Variants in NAV2 observed in about 807,000 individuals in gnomAD.
NAV2 encodes the protein helicase, APC down-regulated 1.
A neutral mutation model predicts 223.2 loss-of-function variants in NAV2; 54 were observed. The observed-to-expected ratio is 0.24, with a 90% CI of 0.19 to 0.30. The LOEUF is 0.30. Among genes scored for constraint, NAV2 ranks in the 10% least tolerant of loss-of-function variants. The pLI is 1.00. For missense variants in NAV2, 2,806 were observed against 3,147.5 expected, an observed-to-expected ratio of 0.89 and a Z score of 2.60; for synonymous variants, 1,279 against 1,239.3, an observed-to-expected ratio of 1.03 and a Z score of -0.67.
intron 1 of NAV2, among the ~76,000 whole-genome samples, chr11:19,369,435 A>C (rs1055610829): frequency 9.9e-5 from 15 of 152,204 alleles, no homozygotes; most frequent in Non-Finnish European, 2.1e-4. Flanking sequence ...TAAACAAAAT[A>C]GGCAGTTCTC....
intron 1 of NAV2, among the ~76,000 whole-genome samples, chr11:19,801,517 T>G (rs540469077): frequency 2.4e-4 from 37 of 152,354 alleles, no homozygotes; most frequent in African/African-American, 8.7e-4. Context: ...GCCTGGATCT[T>G]TTTCTTTTCA....
At chr11:19,352,164 AC>A (rs1201429654) in intron 1 of NAV2, among the ~76,000 whole-genome samples, 64 of 152,300 alleles carry the variant, frequency 4.2e-4, no homozygotes, top group Admixed American at 4.2e-3. Context: ...TATCTTGGGA[AC>A]CTAGATAAGT....
chr11:19,687,245 A>G (rs1337572795), intron 1 of NAV2, among the ~76,000 whole-genome samples: 3 of 152,238 alleles, frequency 2.0e-5, no homozygotes, highest in African/African-American at 7.2e-5. Flanking sequence ...TGGGAGCCAT[A>G]CAGCAGCTCT....
chr11:19,699,774 T>C (rs1238411932), intron 1 of NAV2, among the ~76,000 whole-genome samples: 1 of 152,210 alleles, frequency 6.6e-6, no homozygotes, highest in Non-Finnish European at 1.5e-5. Flanking sequence ...GATCCAGGAC[T>C]GCAATGAGAA....
chr11:19,553,060 T>C (rs1048320778), intron 1 of NAV2, among the ~76,000 whole-genome samples: 14 of 152,220 alleles, frequency 9.2e-5, no homozygotes, highest in African/African-American at 3.1e-4. Context: ...CTGTGTAACA[T>C]GCTCTCCATG....
chr11:19,511,459 C>T (rs2043277285), intron 1 of NAV2: 1 of 152,124 alleles, frequency 6.6e-6, no homozygotes, highest in Non-Finnish European at 1.5e-5. Context: ...ACAGAGTTTT[C>T]TGGGGTCAGG....
chr11:19,742,359 A>G (rs986142148), intron 1 of NAV2, among the ~76,000 whole-genome samples: 1 of 152,254 alleles, frequency 6.6e-6, no homozygotes, highest in African/African-American at 2.4e-5. Flanking sequence ...GTGAGAATTA[A>G]AGAAGACAAG....
intron 1 of NAV2, among the ~76,000 whole-genome samples, chr11:19,363,501 A>T (rs1466687125): frequency 1.3e-5 from 2 of 152,180 alleles, no homozygotes; most frequent in Non-Finnish European, 2.9e-5. Flanking sequence ...ATGAAACTGA[A>T]ATTCAAACCC....
chr11:19,731,544 G>A (rs1469657032), intron 1 of NAV2, among the ~76,000 whole-genome samples: 1 of 152,258 alleles, frequency 6.6e-6, no homozygotes, highest in East Asian at 1.9e-4. Flanking sequence ...ACTGTGGGTA[G>A]GTGGCAGGGG....
intron 1 of NAV2, among the ~76,000 whole-genome samples, chr11:19,784,816 A>G (rs1233350988): frequency 6.6e-6 from 1 of 152,202 alleles, no homozygotes; most frequent in Non-Finnish European, 1.5e-5. Flanking sequence ...TGTGAGAATT[A>G]AATGAGATAA....
chr11:19,352,980 G>C (rs771735989), intron 1 of NAV2, among the ~76,000 whole-genome samples: 1 of 152,106 alleles, frequency 6.6e-6, no homozygotes, highest in African/African-American at 2.4e-5. Flanking sequence ...GCCTCTCAGC[G>C]TGCAGCCTGG....
chr11:19,879,110 A>G (rs575378170), intron 4 of NAV2, among the ~76,000 whole-genome samples: 3 of 152,262 alleles, frequency 2.0e-5, no homozygotes, highest in Non-Finnish European at 2.9e-5. Context: ...GAAAGGAGGG[A>G]TCTCCCAAGG....
chr11:20,042,254 G>C (rs1434993336), intron 12 of NAV2, among the ~76,000 whole-genome samples: 1 of 152,222 alleles, frequency 6.6e-6, no homozygotes, highest in Non-Finnish European at 1.5e-5. Context: ...TACCCTTTCT[G>C]ATTAAATAGA....
At chr11:19,771,971 G>A (rs957061021) in intron 1 of NAV2, among the ~76,000 whole-genome samples, 17 of 152,116 alleles carry the variant, frequency 1.1e-4, no homozygotes, top group Non-Finnish European at 2.2e-4. Context: ...TCCAAGGCTG[G>A]TGGAGGGGAG....
intron 4 of NAV2, among the ~76,000 whole-genome samples, chr11:19,869,782 G>A (rs2063591749): frequency 6.6e-6 from 1 of 152,220 alleles, no homozygotes; most frequent in African/African-American, 2.4e-5. Flanking sequence ...TAGTGAGACT[G>A]CTTTTTGAAA....
At chr11:19,884,130 A>C (rs2063381164) in intron 5 of NAV2, among the ~76,000 whole-genome samples, 1 of 152,252 alleles carries the variant, frequency 6.6e-6, no homozygotes, top group South Asian at 2.1e-4. Flanking sequence ...TCAAATCAGT[A>C]AACTGAGACC....
At chr11:19,513,942 C>T (rs2043358737) in intron 1 of NAV2, among the ~76,000 whole-genome samples, 1 of 152,194 alleles carries the variant, frequency 6.6e-6, no homozygotes, top group Non-Finnish European at 1.5e-5. Context: ...CTACCCTGAG[C>T]TCCAGAGGGA....
intron 12 of NAV2, among the ~76,000 whole-genome samples, chr11:20,041,419 A>C (rs1194878976): frequency 6.6e-6 from 1 of 152,230 alleles, no homozygotes; most frequent in Non-Finnish European, 1.5e-5. Context: ...CATATCAAAC[A>C]CTTTAGCTTA....
At chr11:19,642,565 C>G (rs1161584627) in intron 1 of NAV2, among the ~76,000 whole-genome samples, 2 of 152,190 alleles carry the variant, frequency 1.3e-5, no homozygotes, top group African/African-American at 4.8e-5. Flanking sequence ...ACTTCTTCCT[C>G]TCCACCTGGG....
Sources: gnomAD v4.1 joint callset for allele counts (sites outside exome capture counted in the v4.1 genomes callset) on GRCh38, gnomAD v4.1.1 for gene constraint, MANE v1.5 for transcripts, NCBI Gene and HGNC (gene_info 2026-07-23, HGNC 2026-07-21) for gene names.